GNG12: variants seen among roughly 807,000 people sequenced by gnomAD.
The protein encoded by GNG12 is guanine nucleotide-binding protein G(I)/G(S)/G(O) subunit gamma-12.
For synonymous variants in GNG12, 28 were observed against 29.7 expected (o/e 0.94, Z 0.19); for missense variants, 69 against 83.8 (o/e 0.82, Z 0.69).
chr1:67,754,723 C>T (rs554345156), intron 2 of GNG12, among the ~76,000 whole-genome samples: 21 of 152,314 alleles, frequency 1.4e-4, no homozygotes, highest in Non-Finnish European at 2.2e-4. Flanking sequence ...ACAGCACCTC[C>T]GTCTCTCCCA....
intron 1 of GNG12, among the ~76,000 whole-genome samples, chr1:67,801,780 C>T (rs966779798): frequency 9.9e-5 from 15 of 151,996 alleles, no homozygotes; most frequent in Non-Finnish European, 1.5e-4. Context: ...TATTACGTTC[C>T]GTATCTGCAG....
intron 2 of GNG12, among the ~76,000 whole-genome samples, chr1:67,767,191 T>C (rs548175267): frequency 6.6e-6 from 1 of 152,286 alleles, no homozygotes; most frequent in Non-Finnish European, 1.5e-5. Flanking sequence ...AGTTATCTTG[T>C]CCAGCCTGCC....
intron 1 of GNG12, among the ~76,000 whole-genome samples, chr1:67,789,256 G>A (rs978271516): frequency 6.6e-6 from 1 of 152,146 alleles, no homozygotes; most frequent in South Asian, 2.1e-4. Flanking sequence ...AATGCTCTTT[G>A]GTGAGAATCC....
intron 2 of GNG12, among the ~76,000 whole-genome samples, chr1:67,746,828 A>G (rs1406924320): frequency 6.6e-6 from 1 of 152,236 alleles, no homozygotes; most frequent in Non-Finnish European, 1.5e-5. Flanking sequence ...GAAAGGTGAA[A>G]AGAGACAACA....
chr1:67,747,120 TTTTG>T (rs1339837907), intron 2 of GNG12, among the ~76,000 whole-genome samples: 2 of 152,130 alleles, frequency 1.3e-5, no homozygotes, highest in African/African-American at 4.8e-5. Context: ...TAAAGAATCT[TTTTG>T]TTTGTTTGTT....
At chr1:67,831,284 C>CCTT (rs1409215587) in intron 1 of GNG12, among the ~76,000 whole-genome samples, 1 of 152,188 alleles carries the variant, frequency 6.6e-6, no homozygotes, top group Non-Finnish European at 1.5e-5. Context: ...AGTTTTCTGA[C>CCTT]CATGAAGCCC....
intron 1 of GNG12, among the ~76,000 whole-genome samples, chr1:67,811,694 C>T (rs1646926855): frequency 6.6e-6 from 1 of 152,302 alleles, no homozygotes. Flanking sequence ...GTACCCTATT[C>T]ACATCAGGTC....
At chr1:67,779,129 G>T (rs1012036367) in intron 1 of GNG12, among the ~76,000 whole-genome samples, 4 of 152,190 alleles carry the variant, frequency 2.6e-5, no homozygotes, top group African/African-American at 9.7e-5. Context: ...TCTCAAATGG[G>T]TCTTTTAGAT....
At chr1:67,796,301 C>A (rs949365431) in intron 1 of GNG12, among the ~76,000 whole-genome samples, 48 of 152,138 alleles carry the variant, frequency 3.2e-4, no homozygotes, top group African/African-American at 1.1e-3. Context: ...ATTCAGATAA[C>A]CCAGTCTTTC....
chr1:67,775,059 T>C (rs567861961), intron 2 of GNG12, among the ~76,000 whole-genome samples: 3 of 152,364 alleles, frequency 2.0e-5, no homozygotes, highest in East Asian at 3.9e-4. Flanking sequence ...GATCACTCAC[T>C]GTCTATTCCT....
At position 67,704,245 on chromosome 1, in the gene GNG12, G is replaced by A. The variant is rs12027405; in HGVS notation, c.*1206C>T. On this transcript the variant is annotated 3_prime_UTR_variant, in exon 4 of 4. Transcript: ENST00000370982. Reference sequence around the variant, plus strand: ...CTCTTGGGTAGCCTATGTGCCTCTTGGATGGTATGTGAACAAGGTAGGGAT... The same window carrying A: ...CTCTTGGGTAGCCTATGTGCCTCTTAGATGGTATGTGAACAAGGTAGGGAT... The A allele has an allele frequency of 1.3e-5, 2 of 152,342 alleles. No homozygotes were observed. Among genetic ancestry groups the A allele is most frequent in the East Asian group, 3.9e-4 (2 of 5,182 alleles). 9.4% of individuals were successfully genotyped at this position (152,342 alleles called of 1,614,324 possible).
At chr1:67,830,844 A>T (rs1043599245) in intron 1 of GNG12, among the ~76,000 whole-genome samples, 2 of 152,180 alleles carry the variant, frequency 1.3e-5, no homozygotes, top group African/African-American at 2.4e-5. Flanking sequence ...GGAAGGTTCA[A>T]GCTGCCACCC....
At chr1:67,733,674 A>G (rs188857027) in intron 2 of GNG12, among the ~76,000 whole-genome samples, 79 of 152,364 alleles carry the variant, frequency 5.2e-4, no homozygotes, top group African/African-American at 1.8e-3. Flanking sequence ...GAAAATTTGT[A>G]AATTTCTGCA....
At chr1:67,771,943 G>T (rs1485178566) in intron 2 of GNG12, among the ~76,000 whole-genome samples, 1 of 152,230 alleles carries the variant, frequency 6.6e-6, no homozygotes, top group East Asian at 1.9e-4. Flanking sequence ...CTCAGCCACT[G>T]ATGTCACTGT....
At chr1:67,716,363 GAAT>G (rs1278515630) in intron 2 of GNG12, among the ~76,000 whole-genome samples, 1 of 152,094 alleles carries the variant, frequency 6.6e-6, no homozygotes, top group Non-Finnish European at 1.5e-5. Context: ...ACATGTCCCT[GAAT>G]AATAATAATA....
chr1:67,774,877 G>A lies in GNG12; in HGVS notation c.-27+2581C>T, dbSNP rs202207847. ...AGCCCATAGAAGTAATTCACTAATG[G>A]TGGAATATACTACAAAAGTAGTACA... On this transcript the variant is annotated intron_variant, in intron 2 of 3. Coordinates refer to ENST00000370982, the MANE Select transcript of GNG12 (RefSeq NM_018841.6). Among the ~76,000 whole-genome samples the A allele has an allele frequency of 1.2e-4, 18 of 152,330 alleles. No homozygotes were observed. In the East Asian group the frequency reaches 3.5e-3, roughly 29 times the overall value.
chr1:67,771,503 T>C (rs1452446995), intron 2 of GNG12, among the ~76,000 whole-genome samples: 2 of 152,230 alleles, frequency 1.3e-5, no homozygotes, highest in East Asian at 1.9e-4. Flanking sequence ...CTTTTGCGAC[T>C]GAAGCAGGAA....
chr1:67,723,995 C>A (rs1373559870), intron 2 of GNG12, among the ~76,000 whole-genome samples: 1 of 152,108 alleles, frequency 6.6e-6, no homozygotes, highest in Non-Finnish European at 1.5e-5. Flanking sequence ...TGATAAGGGG[C>A]TGAACACAGA....
chr1:67,736,316 A>C (rs1646452105), intron 2 of GNG12, among the ~76,000 whole-genome samples: 1 of 152,068 alleles, frequency 6.6e-6, no homozygotes, highest in Middle Eastern at 3.2e-3. Flanking sequence ...CCCCCGAACC[A>C]AGCAGCAGGC....
Sources: allele counts gnomAD v4.1 joint callset (sites outside exome capture counted in the v4.1 genomes callset), GRCh38; gene constraint gnomAD v4.1.1; transcripts MANE v1.5; gene names NCBI Gene and HGNC (gene_info 2026-07-23, HGNC 2026-07-21).